CRACDL: variants seen among roughly 807,000 people sequenced by gnomAD.
CRACDL encodes the protein CRACD like.
CRACDL carries 26 observed loss-of-function variants against 70.6 expected under a neutral mutation model. The observed-to-expected ratio is 0.37, with a 90% CI of 0.27 to 0.51. CRACDL has a LOEUF of 0.51. Ranked by LOEUF, CRACDL falls within the 20% of genes least tolerant of loss-of-function variation. The pLI, the probability that CRACDL is intolerant of heterozygous loss-of-function variation, is 0.94. For missense variants in CRACDL, 1,283 were observed against 1,376.9 expected (o/e 0.93, Z 1.08); for synonymous variants, 618 against 615.2 (o/e 1.00, Z -0.07).
At chr2:98,935,514 T>C (rs759431515) in intron 1 of CRACDL, among the ~76,000 whole-genome samples, 3 of 152,140 alleles carry the variant, frequency 2.0e-5, no homozygotes, top group Non-Finnish European at 2.9e-5. Flanking sequence ...ACCTAAAGCA[T>C]AAGGCAGTTC....
intron 1 of CRACDL, among the ~76,000 whole-genome samples, chr2:98,895,510 A>AG (rs1248219797): frequency 6.6e-6 from 1 of 152,162 alleles, no homozygotes; most frequent in African/African-American, 2.4e-5. Flanking sequence ...GCCCGGAGGC[A>AG]GGGGGGAACA....
intron 1 of CRACDL, among the ~76,000 whole-genome samples, chr2:98,855,464 A>G (rs575630383): frequency 6.6e-6 from 1 of 152,310 alleles, no homozygotes; most frequent in African/African-American, 2.4e-5. Context: ...ACTAAAAATT[A>G]TATGATAAAT....
intron 1 of CRACDL, among the ~76,000 whole-genome samples, chr2:98,850,084 C>G (rs934842832): frequency 6.6e-6 from 1 of 152,224 alleles, no homozygotes; most frequent in African/African-American, 2.4e-5. Flanking sequence ...CATGCCCTGG[C>G]AGCAGGTAAG....
intron 1 of CRACDL, among the ~76,000 whole-genome samples, chr2:98,895,843 T>C (rs968246334): frequency 6.6e-5 from 10 of 151,524 alleles, no homozygotes; most frequent in Non-Finnish European, 2.9e-5. Flanking sequence ...CTCTGAGAGG[T>C]GATTAGGTCA....
At chr2:98,867,336 G>C (rs1707186629) in intron 1 of CRACDL, among the ~76,000 whole-genome samples, 1 of 152,140 alleles carries the variant, frequency 6.6e-6, no homozygotes, top group Admixed American at 6.6e-5. Context: ...ATCCAACACA[G>C]TGTATACTCT....
chr2:98,806,085 GGT>G lies in CRACDL; in HGVS notation c.2417-8550_2417-8549del, dbSNP rs554457698. Among the ~76,000 whole-genome samples, 749 of 152,352 alleles carry G rather than the reference GGT, an allele frequency of 4.9e-3. 1 individual carries two copies. Among genetic ancestry groups the G allele is most frequent in the African/African-American group, 0.016 (671 of 41,584 alleles). ...GCATTTATTTACGAGGGCCTCATAT[GGT>G]AGTATATCCATCATGGGGTGGGGTG... On this transcript the variant is annotated intron_variant, in intron 7 of 9. Coordinates refer to ENST00000397899, the MANE Select transcript of CRACDL (RefSeq NM_207362.3).
chr2:98,931,324 C>CAA (rs530900049), intron 1 of CRACDL, among the ~76,000 whole-genome samples: 182 of 96,196 alleles, frequency 1.9e-3, no homozygotes, highest in Admixed American at 2.6e-3. Context: ...GACTCCATCT[C>CAA]AAAAAAAAAA....
At chr2:98,857,845 G>A (rs1402441657) in intron 1 of CRACDL, among the ~76,000 whole-genome samples, 1 of 152,168 alleles carries the variant, frequency 6.6e-6, no homozygotes, top group African/African-American at 2.4e-5. Context: ...GTATGTGTAT[G>A]TGTATGTGTG....
In CRACDL at chr2:98,846,733, G is replaced by A; in HGVS notation, c.68C>T (p.Thr23Ile). 5 of 1,613,774 alleles carry A rather than the reference G, an allele frequency of 3.1e-6. No homozygotes were observed. Among genetic ancestry groups the A allele is most frequent in the Non-Finnish European group, 4.2e-6 (5 of 1,179,622 alleles). Residue 23 changes from threonine (T) to isoleucine (I), a missense_variant and splice_region_variant, in exon 2 of 10, where the codon ACA (threonine) becomes ATA (isoleucine). Transcript: ENST00000397899. ...EAAEGLGEDS[T>I]GKKKSKFKTF... The stretch of plus-strand genomic sequence containing the variant: ...GAGCAGGGGAAGCAGGGCCTTACCT[G>A]TGCTGTCCTCCCCAAGGCCTTCTGC...
Position 98,916,544 on chromosome 2 carries a change from A to C in CRACDL, c.-11+19394T>G, listed in dbSNP as rs192049652. Among the ~76,000 whole-genome samples, 443 of 152,232 alleles carry C rather than the reference A, an allele frequency of 2.9e-3. 1 individual carries two copies. Among genetic ancestry groups the C allele is most frequent in the Non-Finnish European group, 4.3e-3 (291 of 68,014 alleles). On this transcript the variant is annotated intron_variant, in intron 1 of 9. Coordinates refer to ENST00000397899, the MANE Select transcript of CRACDL (RefSeq NM_207362.3). ...ATGCTGATTATAAAAATATAGAAAG[A>C]TATGAAATCTCCCATAATTCTATCA...
intron 5 of CRACDL, among the ~76,000 whole-genome samples, chr2:98,828,237 C>T (rs1157196927): frequency 1.3e-5 from 2 of 152,206 alleles, no homozygotes; most frequent in South Asian, 2.1e-4. Flanking sequence ...CCTGTGAGCA[C>T]ATGCAGCCCA....
intron 1 of CRACDL, among the ~76,000 whole-genome samples, chr2:98,933,682 C>A (rs1176848836): frequency 4.6e-5 from 7 of 152,144 alleles, no homozygotes; most frequent in Non-Finnish European, 8.8e-5. Flanking sequence ...CCAGTGACTG[C>A]AAGGTAGCTA....
chr2:98,881,777 G>A (rs919636839), intron 1 of CRACDL, among the ~76,000 whole-genome samples: 2 of 152,222 alleles, frequency 1.3e-5, no homozygotes, highest in African/African-American at 2.4e-5. Context: ...GTGACCTGGT[G>A]TGGAAGCTGG....
intron 1 of CRACDL, among the ~76,000 whole-genome samples, chr2:98,934,312 C>T (rs1709155435): frequency 6.6e-6 from 1 of 151,862 alleles, no homozygotes; most frequent in Admixed American, 6.6e-5. Flanking sequence ...AATTCCCCTG[C>T]CTCGGCCTCC....
At chr2:98,883,514 T>A (rs1019835235) in intron 1 of CRACDL, among the ~76,000 whole-genome samples, 1 of 152,216 alleles carries the variant, frequency 6.6e-6, no homozygotes, top group Non-Finnish European at 1.5e-5. Context: ...GCCTGAGACC[T>A]GCACCTGGAA....
intron 5 of CRACDL, among the ~76,000 whole-genome samples, chr2:98,828,227 C>T (rs1705391929): frequency 6.6e-6 from 1 of 152,190 alleles, no homozygotes; most frequent in South Asian, 2.1e-4. Flanking sequence ...ACTCGGAGCG[C>T]CTGTGAGCAC....
chr2:98,810,769 T>G (rs1282515620), intron 7 of CRACDL, among the ~76,000 whole-genome samples: 1 of 152,086 alleles, frequency 6.6e-6, no homozygotes, highest in Non-Finnish European at 1.5e-5. Flanking sequence ...AAATCCACTT[T>G]TAGGAATCTA....
In CRACDL at chr2:98,823,475, C is replaced by A; in HGVS notation, c.798G>T (p.Glu266Asp). The change falls in exon 7 of 10, where the codon GAG (glutamate) becomes GAT (aspartate). Residue 266 changes from glutamate to aspartate, a missense_variant. Transcript: ENST00000397899. This position sits in a 1 kb window ranked among gnomAD's most constrained non-coding sequence, Gnocchi z 4.0. ...TCTPEEEENE[E>D]KPLLEVSPEE... ...CTGGGCTGACTTCCAAAAGTGGCTT[C>A]TCCTCGTTTTCCTCCTCCTCTGGGG... The A allele has an allele frequency of 1.3e-6, 2 of 1,594,052 alleles. No homozygotes were observed. Among genetic ancestry groups the A allele is most frequent in the Non-Finnish European group, 8.5e-7 (1 of 1,177,964 alleles).
At chr2:98,933,235 C>G (rs1709126817) in intron 1 of CRACDL, among the ~76,000 whole-genome samples, 1 of 152,148 alleles carries the variant, frequency 6.6e-6, no homozygotes, top group South Asian at 2.1e-4. Flanking sequence ...AAGGGACTCA[C>G]TGGGGCACCG....
Sources: gnomAD v4.1 joint callset for allele counts (sites outside exome capture counted in the v4.1 genomes callset) on GRCh38, gnomAD v4.1.1 for gene constraint, Gnocchi (gnomAD v3.1) non-coding constraint, MANE v1.5 for transcripts, NCBI Gene and HGNC (gene_info 2026-07-23, HGNC 2026-07-21) for gene names.